The following DCUN1D2 variants were observed in gnomAD, a reference collection of about 807,000 sequenced individuals.
DCUN1D2 encodes defective in cullin neddylation 1 domain containing 2.
Under a neutral mutation model 30.9 loss-of-function variants are expected in DCUN1D2, and 29 were observed. The observed-to-expected ratio is 0.94, with a 90% CI of 0.70 to 1.28. The LOEUF (loss-of-function observed/expected upper bound fraction) is 1.28. DCUN1D2 is among the 50% of genes most tolerant of loss of function. The probability of loss-of-function intolerance (pLI) is 0.00; values close to 1 mark genes in which losing one functional copy is unlikely to be tolerated. For synonymous variants in DCUN1D2, 121 were observed against 115.3 expected, an observed-to-expected ratio of 1.05 and a Z score of -0.32; for missense variants, 325 against 316.9, an observed-to-expected ratio of 1.03 and a Z score of -0.19.
chr13:113,461,090 C>A lies in DCUN1D2; in HGVS notation c.567G>T (p.Arg189Ser). ...TGTTCCAGAGATCTAAAAATTTAAA[C>A]CTTCCAGATAACACTAATTTCCAAT... ...VAYWKLVLSG[R>S]FKFLDLWNTF... Residue 189 changes from arginine (R) to serine (S), a missense_variant, in exon 5 of 7, where the codon AGG becomes AGT. By Grantham distance (110) the Arg-to-Ser change is moderately radical. Transcript: ENST00000478244. 1 of 1,611,464 alleles carries A rather than the reference C, an allele frequency of 6.2e-7. No individual in the cohort carries two copies.
At chr13:113,462,836 T>G in intron 4 of DCUN1D2, 1 of 1,226,110 alleles carries the variant, frequency 8.2e-7, no homozygotes, top group Non-Finnish European at 1.0e-6. Context: ...AATTGAAATC[T>G]ATATTCAACT....
At chr13:113,476,602 T>C (rs1595582219) in intron 3 of DCUN1D2, among the ~76,000 whole-genome samples, 2 of 152,246 alleles carry the variant, frequency 1.3e-5, no homozygotes, top group South Asian at 4.1e-4. Flanking sequence ...ACAACATGGA[T>C]TGCCTTTCTA....
chr13:113,459,604 G>A, intron 5 of DCUN1D2, 196 bp from the exon 6 acceptor site: 1 of 421,058 alleles, frequency 2.4e-6, no homozygotes, highest in Non-Finnish European at 4.2e-6. Context: ...AATATAGAAA[G>A]CAGATTTATT....
chr13:113,459,019 A>G (rs759782308), intron 6 of DCUN1D2, among the ~76,000 whole-genome samples: 50 of 152,362 alleles, frequency 3.3e-4, no homozygotes, highest in Admixed American at 1.4e-3. Context: ...TGCGGGACTG[A>G]GAATCTGGGA....
At position 113,456,699 on chromosome 13, in the gene DCUN1D2, A is replaced by C; in HGVS notation, c.*1330T>G. 4.3e-6 allele frequency: 1 copy of C among 230,584 alleles called. No individual in the cohort carries two copies. The highest frequency in any genetic ancestry group is 8.3e-6 in the Non-Finnish European group (1 of 119,920). The allele number at this position is 230,584 out of a possible 1,614,324, so 14.3% of individuals were successfully genotyped here. ...AGGCGGACACGAGAAACAGATGATA[A>C]CATGGTGCAAGGACAGACTTCAGCT... On this transcript the variant is annotated 3_prime_UTR_variant, in exon 7 of 7. Transcript: ENST00000478244.
At position 113,456,611 on chromosome 13, in the gene DCUN1D2, T is replaced by A; in HGVS notation, c.*1418A>T. The A allele has an allele frequency of 2.7e-6, 1 of 373,140 alleles. No homozygotes were observed. The highest frequency in any genetic ancestry group is 4.8e-6 in the Non-Finnish European group (1 of 210,360). 23.1% of individuals were successfully genotyped at this position (373,140 alleles called of 1,614,324 possible). On this transcript the variant is annotated 3_prime_UTR_variant, in exon 7 of 7. Coordinates refer to ENST00000478244, the MANE Select transcript of DCUN1D2 (RefSeq NM_001014283.2). The stretch of plus-strand genomic sequence containing the variant: ...TCGGCACGTGAGGTAGGGTCAACAG[T>A]GATGTCCACAACTCAATACCAGCCC...
intron 3 of DCUN1D2, 117 bp from the exon 4 acceptor site, chr13:113,474,371 C>T (rs1034269137): frequency 7.1e-7 from 1 of 1,405,816 alleles, no homozygotes; most frequent in African/African-American, 1.4e-5. Flanking sequence ...ACCGTATTTC[C>T]CAACTTCCTT....
At chr13:113,465,510 A>AC (rs1438594457) in intron 4 of DCUN1D2, among the ~76,000 whole-genome samples, 3 of 150,846 alleles carry the variant, frequency 2.0e-5, no homozygotes, top group African/African-American at 7.4e-5. Flanking sequence ...AAAAAAAAAA[A>AC]AACAAACAAA....
At chr13:113,463,856 A>G (rs1173301851) in intron 4 of DCUN1D2, among the ~76,000 whole-genome samples, 1 of 152,066 alleles carries the variant, frequency 6.6e-6, no homozygotes, top group African/African-American at 2.4e-5. Context: ...AATAAAGGGT[A>G]ATCTGTGTCT....
At chr13:113,461,580 A>G (rs1238460324) in intron 4 of DCUN1D2, among the ~76,000 whole-genome samples, 1 of 152,252 alleles carries the variant, frequency 6.6e-6, no homozygotes, top group African/African-American at 2.4e-5. Flanking sequence ...CCTTGTTGCT[A>G]TATGAACTAA....
At chr13:113,458,832 C>T (rs1014019804) in intron 6 of DCUN1D2, among the ~76,000 whole-genome samples, 2 of 152,336 alleles carry the variant, frequency 1.3e-5, no homozygotes, top group Middle Eastern at 3.4e-3. Flanking sequence ...ACCCAGAGAC[C>T]ATCCCTCTCT....
At chr13:113,464,703 G>A (rs2139684412) in intron 4 of DCUN1D2, among the ~76,000 whole-genome samples, 1 of 152,338 alleles carries the variant, frequency 6.6e-6, no homozygotes, top group African/African-American at 2.4e-5. Flanking sequence ...GAGGCAGGTG[G>A]GAGGCCATGG....
At chr13:113,477,313 T>C (rs1348397757) in intron 3 of DCUN1D2, among the ~76,000 whole-genome samples, 1 of 152,246 alleles carries the variant, frequency 6.6e-6, no homozygotes, top group African/African-American at 2.4e-5. Flanking sequence ...TCTCGATGAA[T>C]TACTATTTTC....
rs1185167668 is a variant in DCUN1D2 at position 113,457,339 on chromosome 13, A to T, written c.*690T>A. On this transcript the variant is annotated 3_prime_UTR_variant, in exon 7 of 7. Transcript: ENST00000478244. The stretch of plus-strand genomic sequence containing the variant: ...AAGTAAGAGAGGCCCAGTGATATAT[A>T]AACGGTGTGAGATAAACTCTGCTGG... 1 of 152,232 alleles carries T rather than the reference A, an allele frequency of 6.6e-6. No homozygotes were observed. The highest frequency in any genetic ancestry group is 2.4e-5 in the African/African-American group (1 of 41,450). The allele number at this position is 152,232 out of a possible 1,614,324, so 9.4% of individuals were successfully genotyped here. A position where few individuals can be genotyped will look rare whatever the true frequency, so the allele number is the denominator to read the frequency against.
At position 113,483,999 on chromosome 13, in the gene DCUN1D2, C is replaced by A; in HGVS notation, c.61G>T (p.Ala21Ser). The A allele has an allele frequency of 6.2e-7, 1 of 1,614,216 alleles. No individual in the cohort carries two copies. The highest frequency in any genetic ancestry group is 8.5e-7 in the Non-Finnish European group (1 of 1,180,056). ...KVRQFMACTQAGERTAIYCLT... is the reference protein window; with the variant it reads ...KVRQFMACTQSGERTAIYCLT... ...CAGTAGATAGCAGTTCTCTCGCCAGCCTGAGTGCACGCCATAAACTGGCGG... is the reference window on the plus strand; with the variant it reads ...CAGTAGATAGCAGTTCTCTCGCCAGACTGAGTGCACGCCATAAACTGGCGG... Residue 21 changes from alanine to serine, a missense_variant, in exon 2 of 7, where the codon GCT (alanine) becomes TCT (serine). Ala to Ser is a moderately conservative substitution (Grantham distance 99). Transcript: ENST00000478244.
chr13:113,459,214 C>A, intron 6 of DCUN1D2, 98 bp downstream of exon 6: 1 of 714,630 alleles, frequency 1.4e-6, no homozygotes, highest in Non-Finnish European at 2.6e-6. Context: ...ATGACCACGC[C>A]CATCTCAGTG....
intron 1 of DCUN1D2, among the ~76,000 whole-genome samples, chr13:113,485,680 T>A: frequency 6.7e-6 from 1 of 149,798 alleles, no homozygotes. Flanking sequence ...AGACAGGCAA[T>A]CAAAAAGCAT....
intron 4 of DCUN1D2, among the ~76,000 whole-genome samples, chr13:113,463,484 G>A (rs1229182376): frequency 4.0e-5 from 6 of 151,086 alleles, no homozygotes; most frequent in Non-Finnish European, 5.9e-5. Flanking sequence ...TTGAAGTCAA[G>A]AGTTTGAGAC....
At chr13:113,472,475 G>A (rs927722377) in intron 4 of DCUN1D2, among the ~76,000 whole-genome samples, 1 of 152,150 alleles carries the variant, frequency 6.6e-6, no homozygotes, top group African/African-American at 2.4e-5. Context: ...GTGCAGACAG[G>A]AAGGGAGCGG....
Sources: allele counts gnomAD v4.1 joint callset (sites outside exome capture counted in the v4.1 genomes callset), GRCh38; gene constraint gnomAD v4.1.1; transcripts MANE v1.5; gene names NCBI Gene and HGNC (gene_info 2026-07-23, HGNC 2026-07-21).